The following ATAD2B variants were observed in gnomAD, a reference collection of about 807,000 sequenced individuals.
ATAD2B encodes ATPase family AAA domain containing 2B, also known as ATPase family AAA domain-containing protein 2B.
ATAD2B carries 40 observed loss-of-function variants against 167.6 expected under a neutral mutation model. The observed-to-expected ratio is 0.24, with a 90% CI of 0.19 to 0.31. The LOEUF (loss-of-function observed/expected upper bound fraction) is 0.31. ATAD2B is among the 10% of genes least tolerant of loss of function. ATAD2B has a pLI of 1.00. For missense variants in ATAD2B, 1,242 were observed against 1,757.2 expected, an observed-to-expected ratio of 0.71 and a Z score of 5.24; for synonymous variants, 579 against 596.5, an observed-to-expected ratio of 0.97 and a Z score of 0.43.
the ATAD2B span, among the ~76,000 whole-genome samples, chr2:23,714,933 A>T: frequency 6.6e-6 from 1 of 152,186 alleles, no homozygotes. Flanking sequence ...AGTTGATAAA[A>T]TCCTTTTCTG....
intron 18 of ATAD2B, among the ~76,000 whole-genome samples, chr2:23,807,897 A>G (rs1245200915): frequency 7.4e-6 from 1 of 135,344 alleles, no homozygotes; most frequent in Non-Finnish European, 1.5e-5. Flanking sequence ...TGTATATAAT[A>G]AAATATATAA....
At chr2:23,870,621 T>G (rs1695814491) in intron 8 of ATAD2B, among the ~76,000 whole-genome samples, 1 of 114,772 alleles carries the variant, frequency 8.7e-6, no homozygotes. Flanking sequence ...ATTTAGCGAA[T>G]ATCGGTCACT....
chr2:23,720,868 G>A, the ATAD2B span, among the ~76,000 whole-genome samples: 1 of 127,940 alleles, frequency 7.8e-6, no homozygotes, highest in Non-Finnish European at 1.6e-5. Context: ...CTCACCCACT[G>A]TGAGCCAAGC....
intron 2 of ATAD2B, among the ~76,000 whole-genome samples, chr2:23,892,995 A>AT (rs1699749544): frequency 6.6e-6 from 1 of 152,176 alleles, no homozygotes; most frequent in South Asian, 2.1e-4. Context: ...TAAAAACTAT[A>AT]TATTAAAAAA....
intron 21 of ATAD2B, among the ~76,000 whole-genome samples, chr2:23,783,988 A>AGT (rs1439653005): frequency 6.6e-6 from 1 of 152,070 alleles, no homozygotes; most frequent in Non-Finnish European, 1.5e-5. Context: ...ATTACTTATA[A>AGT]AAAATATTAA....
At chr2:23,890,322 C>A (rs573322457) in intron 2 of ATAD2B, among the ~76,000 whole-genome samples, 1 of 152,086 alleles carries the variant, frequency 6.6e-6, no homozygotes, top group African/African-American at 2.4e-5. Context: ...CTAGCCCCCC[C>A]GCCTTTCCTC....
At chr2:23,789,083 CT>C (rs2149418495) in intron 19 of ATAD2B, among the ~76,000 whole-genome samples, 1 of 152,212 alleles carries the variant, frequency 6.6e-6, no homozygotes, top group South Asian at 2.1e-4. Context: ...TTACTGTGCT[CT>C]TTCCCTACCA....
intron 4 of ATAD2B, among the ~76,000 whole-genome samples, chr2:23,886,413 ATAAT>A (rs1340204309): frequency 6.6e-6 from 1 of 152,196 alleles, no homozygotes; most frequent in African/African-American, 2.4e-5. Flanking sequence ...GCCTCTATGA[ATAAT>A]TATCAGATAC....
chr2:23,855,124 G>A (rs1016723676), intron 13 of ATAD2B, among the ~76,000 whole-genome samples: 8 of 151,788 alleles, frequency 5.3e-5, no homozygotes, highest in Admixed American at 1.3e-4. Context: ...AATGCGGGGT[G>A]CGGAGGTTGC....
Position 23,833,906 on chromosome 2 carries a change from CA to C in ATAD2B, c.1728+12del, listed in dbSNP as rs756535160. On this transcript the variant is annotated intron_variant, in intron 14 of 27. Coordinates refer to ENST00000238789, the MANE Select transcript of ATAD2B (RefSeq NM_017552.4). ...CATATAAATGTTAACATATTGAAAA[CA>C]AAAACTCTTACCTTTTGATCAGGCA... 2.5e-6 allele frequency: 4 copies of C among 1,584,068 alleles called. No individual in the cohort carries two copies. Among genetic ancestry groups the C allele is most frequent in the Non-Finnish European group, 2.6e-6 (3 of 1,167,728 alleles).
At chr2:23,908,182 C>T (rs945647868) in intron 1 of ATAD2B, among the ~76,000 whole-genome samples, 11 of 152,028 alleles carry the variant, frequency 7.2e-5, no homozygotes, top group South Asian at 2.1e-4. Flanking sequence ...GCAAAAGAAA[C>T]GACCATCAGA....
In ATAD2B at chr2:23,782,894, C is replaced by A. The variant is rs1162600053; in HGVS notation, c.3108G>T (p.Glu1036Asp). The A allele has an allele frequency of 6.2e-7, 1 of 1,612,114 alleles. No homozygotes were observed. Among genetic ancestry groups the A allele is most frequent in the Non-Finnish European group, 8.5e-7 (1 of 1,179,006 alleles). Residue 1036 changes from glutamate (E) to aspartate (D), a missense_variant, in exon 22 of 28, where the codon GAG (glutamate) becomes GAT (aspartate). Around this residue, in one of 9 missense-constraint regions of ATAD2B, gnomAD observed 204 missense variants for 324.0 expected, o/e 0.63. Transcript: ENST00000238789. ...CTCCTGGGTCCTTATCTGGATTATA[C>A]TCTAAAGCATTGCTACAGATGAGGT... ...DIDLICSNAL[E>D]YNPDKDPGDK...
In ATAD2B at chr2:23,926,820, A is replaced by C. The variant is rs1280265448; in HGVS notation, c.-50T>G. The C allele has an allele frequency of 2.1e-6, 3 of 1,457,146 alleles. No individual in the cohort carries two copies. In the East Asian group the frequency reaches 7.8e-5, roughly 38 times the overall value. 90.3% of individuals were successfully genotyped at this position (1,457,146 alleles called of 1,614,324 possible). A position where few individuals can be genotyped will look rare whatever the true frequency, so the allele number is the denominator to read the frequency against. On this transcript the variant is annotated 5_prime_UTR_variant, in exon 1 of 28. Transcript: ENST00000238789. ...ACGCCGCGCCCGGGAGAGCCGAGCA[A>C]GGCCGGCCCGCCGGCCGGTCAGTCA... is the stretch of plus-strand genomic sequence containing the variant.
chr2:23,926,810 G>A lies in ATAD2B; in HGVS notation c.-40C>T. On this transcript the variant is annotated 5_prime_UTR_variant, in exon 1 of 28. Transcript: ENST00000238789. ...GACGGAGTCCACGCCGCGCCCGGGA[G>A]AGCCGAGCAAGGCCGGCCCGCCGGC... 1.4e-6 allele frequency: 2 copies of A among 1,479,344 alleles called. No individual in the cohort carries two copies. The highest frequency in any genetic ancestry group is 1.8e-6 in the Non-Finnish European group (2 of 1,114,092). The allele number at this position is 1,479,344 out of a possible 1,614,324, so 91.6% of individuals were successfully genotyped here.
chr2:23,899,831 C>T (rs944135796), intron 1 of ATAD2B, among the ~76,000 whole-genome samples: 19 of 149,460 alleles, frequency 1.3e-4, no homozygotes, highest in African/African-American at 4.7e-4. Flanking sequence ...ACTTGTGATC[C>T]GCCTGCCTCA....
intron 17 of ATAD2B, among the ~76,000 whole-genome samples, chr2:23,815,764 T>C (rs1476088101): frequency 1.3e-5 from 2 of 152,182 alleles, no homozygotes; most frequent in Non-Finnish European, 1.5e-5. Context: ...ATGTGATAGA[T>C]CTAAATATGC....
chr2:23,795,801 C>G (rs372967179), intron 19 of ATAD2B, among the ~76,000 whole-genome samples: 2 of 151,732 alleles, frequency 1.3e-5, no homozygotes, highest in African/African-American at 4.8e-5. Context: ...ATCACTTGAA[C>G]CTGGGAGATG....
intron 8 of ATAD2B, among the ~76,000 whole-genome samples, chr2:23,872,006 T>C (rs764350802): frequency 6.6e-6 from 1 of 152,142 alleles, no homozygotes; most frequent in Non-Finnish European, 1.5e-5. Flanking sequence ...AGTTCCCAAG[T>C]AGCTGGGATT....
intron 8 of ATAD2B, chr2:23,872,607 T>C (rs533830923): frequency 1.8e-4 from 238 of 1,308,598 alleles, no homozygotes; most frequent in Non-Finnish European, 2.4e-4. Context: ...TTACTAATGT[T>C]GCTGTAGAAA....
Sources: gnomAD v4.1 joint callset for allele counts (sites outside exome capture counted in the v4.1 genomes callset) on GRCh38, gnomAD v4.1.1 for gene constraint, gnomAD v4.1.1 regional missense constraint, MANE v1.5 for transcripts, NCBI Gene and HGNC (gene_info 2026-07-23, HGNC 2026-07-21) for gene names.